Variants in RAD51D observed in about 807,000 individuals in gnomAD.
The protein encoded by RAD51D is DNA repair protein RAD51 homolog 4.
RAD51D carries 38 observed loss-of-function variants against 44.1 expected under a neutral mutation model. That is an observed-to-expected ratio of 0.86 (90% confidence interval 0.67 to 1.13). The LOEUF is 1.13. Among genes scored for constraint, RAD51D ranks in the 50% most tolerant of loss-of-function variants. The pLI is 0.00. For synonymous variants in RAD51D, 141 were observed against 166.6 expected (o/e 0.85, Z 1.18); for missense variants, 390 against 414.0 (o/e 0.94, Z 0.50).
rs771077929 is a variant in RAD51D, at chr17:35,119,114, G to T, written c.141C>A (p.Tyr47Ter). ...AATGTGGAGATCAGGAGCTCACCTT[G>T]TAAGACAAGCCACATTTCTGAGCTA... ...EEVAQKCGLS[Y>*]KALVALRRVL... Residue 47 changes from tyrosine (Y) to a stop codon, truncating the protein, a stop_gained, in exon 2 of 10, where the codon TAC becomes TAA. Transcript: ENST00000345365. LOFTEE classifies it high-confidence loss of function. 1.2e-6 allele frequency: 2 copies of T among 1,613,190 alleles called. No individual in the cohort carries two copies. The highest frequency in any genetic ancestry group is 1.3e-5 in the African/African-American group (1 of 75,010).
At chr17:35,115,929 AAGGAAGG>A in intron 3 of RAD51D, among the ~76,000 whole-genome samples, 2 of 117,024 alleles carry the variant, frequency 1.7e-5, no homozygotes, top group Admixed American at 9.3e-5. Context: ...GGAAGGAAGG[AAGGAAGG>A]AAGAAAGAAA....
At chr17:35,119,503 G>A (rs1229107936) in intron 1 of RAD51D, 29 bp downstream of exon 1, 24 of 1,607,882 alleles carry the variant, frequency 1.5e-5, no homozygotes, top group Non-Finnish European at 2.0e-5. Context: ...AGGCCCGCGC[G>A]GCTCCCTGGC....
Position 35,119,657 on chromosome 17 carries a change from G to T in RAD51D, c.-44C>A. The T allele has an allele frequency of 6.3e-7, 1 of 1,596,406 alleles. No individual in the cohort carries two copies. Reference sequence around the variant, plus strand: ...CAGCCCCAGGGGGACTGCACGTCACGTGGGCATTCGCGGGGGGTCCTCTCC... The same window carrying T: ...CAGCCCCAGGGGGACTGCACGTCACTTGGGCATTCGCGGGGGGTCCTCTCC... On this transcript the variant is annotated 5_prime_UTR_variant, in exon 1 of 10. Coordinates refer to ENST00000345365, the MANE Select transcript of RAD51D (RefSeq NM_002878.4).
Position 35,100,383 on chromosome 17 carries a change from C to G in RAD51D, c.*570G>C, listed in dbSNP as rs1320563612. On this transcript the variant is annotated 3_prime_UTR_variant, in exon 10 of 10. Coordinates refer to ENST00000345365, the MANE Select transcript of RAD51D (RefSeq NM_002878.4). ...GGGGAAATCAGGTGGCTCTAGGGCT[C>G]GGGGAATTGCCTTTTTATATTTTTA... The G allele has an allele frequency of 3.7e-6, 2 of 533,884 alleles. No individual in the cohort carries two copies. Among genetic ancestry groups the G allele is most frequent in the African/African-American group, 3.7e-5 (2 of 53,786 alleles). 33.1% of individuals were successfully genotyped at this position (533,884 alleles called of 1,614,324 possible).
At chr17:35,115,665 C>T (rs1055353911) in intron 3 of RAD51D, among the ~76,000 whole-genome samples, 3 of 151,894 alleles carry the variant, frequency 2.0e-5, no homozygotes, top group African/African-American at 7.3e-5. Context: ...GTCAGAAGAT[C>T]GAGACCATCC....
At chr17:35,116,479 A>T (rs1001328746) in intron 3 of RAD51D, among the ~76,000 whole-genome samples, 1 of 139,274 alleles carries the variant, frequency 7.2e-6, no homozygotes. Context: ...ATGATGATTT[A>T]TTTTTATTTT....
intron 5 of RAD51D, 122 bp downstream of exon 5, chr17:35,106,866 A>C (rs1447329182): frequency 5.5e-6 from 8 of 1,442,064 alleles, no homozygotes; most frequent in Non-Finnish European, 7.8e-6. Context: ...TACGAGATGT[A>C]TTAATAGAAC....
At position 35,103,620 on chromosome 17, in the gene RAD51D, T is replaced by C; in HGVS notation, c.577-76A>G. The C allele has an allele frequency of 1.1e-5, 13 of 1,157,794 alleles. No individual in the cohort carries two copies. In the South Asian group the frequency reaches 1.6e-4, roughly 15 times the overall value. The allele number at this position is 1,157,794 out of a possible 1,614,324, so 71.7% of individuals were successfully genotyped here. A position where few individuals can be genotyped will look rare whatever the true frequency, so the allele number is the denominator to read the frequency against. ...ATTACAGGACAAGCTTGCTTTTCTA[T>C]CTAAAACTAGTAAGAAATAGCCCCC... On this transcript the variant is annotated intron_variant, in intron 6 of 9. Transcript: ENST00000345365. The surrounding 1 kb of genome is among the most constrained non-coding windows in gnomAD (Gnocchi z 4.1).
intron 8 of RAD51D, among the ~76,000 whole-genome samples, chr17:35,102,641 AAAG>A (rs1333415368): frequency 7.2e-5 from 11 of 152,002 alleles, no homozygotes; most frequent in Admixed American, 5.9e-4. Flanking sequence ...AAGAAAAAAA[AAAG>A]AAAGAAAGAA....
intron 2 of RAD51D, 60 bp from the exon 3 acceptor site, chr17:35,118,679 G>A: frequency 2.3e-6 from 3 of 1,289,062 alleles, no homozygotes; most frequent in Non-Finnish European, 3.4e-6. Context: ...GCATCCCAGG[G>A]TGTCATTCAC....
Position 35,107,414 on chromosome 17 carries a change from A to C in RAD51D, c.297T>G (p.Thr99=), listed in dbSNP as rs2142437037. ...CTCCTACAATTTCAGTCACTTCTCC[A>C]GTATAGAGACCAGCATCAAGCAGTT... ...LDKLLDAGLY[T]GEVTEIVGGP... The change falls in exon 4 of 10, where the codon ACT becomes ACG. Residue 99 remains threonine, a synonymous_variant. Coordinates refer to ENST00000345365, the MANE Select transcript of RAD51D (RefSeq NM_002878.4). The C allele has an allele frequency of 6.4e-7, 1 of 1,564,610 alleles. No homozygotes were observed. Among genetic ancestry groups the C allele is most frequent in the Non-Finnish European group, 8.8e-7 (1 of 1,134,992 alleles).
chr17:35,107,528 A>T, intron 3 of RAD51D, 81 bp from the exon 4 acceptor site: 5 of 1,133,290 alleles, frequency 4.4e-6, no homozygotes, highest in Non-Finnish European at 6.7e-6. Context: ...AAAGTAAGAC[A>T]TTTCTTTCAA....
In RAD51D at chr17:35,103,609, T is replaced by C; in HGVS notation, c.577-65A>G. 2 of 1,320,094 alleles carry C rather than the reference T, an allele frequency of 1.5e-6. No individual in the cohort carries two copies. Among genetic ancestry groups the C allele is most frequent in the Non-Finnish European group, 1.1e-6 (1 of 919,056 alleles). 81.8% of individuals were successfully genotyped at this position (1,320,094 alleles called of 1,614,324 possible). On this transcript the variant is annotated intron_variant, in intron 6 of 9. Transcript: ENST00000345365. The surrounding 1 kb of genome is among the most constrained non-coding windows in gnomAD (Gnocchi z 4.1). ...CTCTAGGACACATTACAGGACAAGC[T>C]TGCTTTTCTATCTAAAACTAGTAAG... is the stretch of plus-strand genomic sequence containing the variant.
At chr17:35,108,557 T>C (rs902235265) in intron 3 of RAD51D, among the ~76,000 whole-genome samples, 1 of 147,600 alleles carries the variant, frequency 6.8e-6, no homozygotes, top group Non-Finnish European at 1.5e-5. Flanking sequence ...AGCAAACTGA[T>C]GTTGGTACTA....
chr17:35,105,011 T>C (rs2091582433), intron 6 of RAD51D: 1 of 152,142 alleles, frequency 6.6e-6, no homozygotes, highest in Non-Finnish European at 1.5e-5. Flanking sequence ...AGAAATACTA[T>C]GTCTTAAGCC....
At chr17:35,117,039 T>G in intron 3 of RAD51D, 1 of 1,609,576 alleles carries the variant, frequency 6.2e-7, no homozygotes, top group Non-Finnish European at 8.5e-7. Flanking sequence ...CCTCCATGTC[T>G]GTTGGATTTA....
intron 3 of RAD51D, chr17:35,115,132 CCT>C (rs1257358107): frequency 3.2e-5 from 13 of 403,124 alleles, no homozygotes; most frequent in East Asian, 7.1e-5. Flanking sequence ...GGGAGAGACC[CCT>C]GTCTTGCCCC....
In RAD51D at chr17:35,097,188, C is replaced by T. The variant is rs1320345241; in HGVS notation, c.*3765G>A. On this transcript the variant is annotated 3_prime_UTR_variant, in exon 10 of 10. Transcript: ENST00000345365. ...AGGCTAGAGTACAGTGGCACAATCT[C>T]GGCTCACTGCAACCTCCATCTCCCA... 1 of 152,064 alleles carries T rather than the reference C, an allele frequency of 6.6e-6. No homozygotes were observed. Among genetic ancestry groups the T allele is most frequent in the Non-Finnish European group, 1.5e-5 (1 of 68,032 alleles). The allele number at this position is 152,064 out of a possible 1,614,324, so 9.4% of individuals were successfully genotyped here.
chr17:35,116,903 C>A (rs996040040), intron 3 of RAD51D: 1 of 1,600,358 alleles, frequency 6.2e-7, no homozygotes. Context: ...AAGCATTCAG[C>A]GAAAGTCCAT....
Sources: gnomAD v4.1 joint callset for allele counts (sites outside exome capture counted in the v4.1 genomes callset) on GRCh38, gnomAD v4.1.1 for gene constraint, Gnocchi (gnomAD v3.1) non-coding constraint, MANE v1.5 for transcripts, NCBI Gene and HGNC (gene_info 2026-07-23, HGNC 2026-07-21) for gene names.